The following SVIL variants were observed in gnomAD, a reference collection of about 807,000 sequenced individuals.
The protein encoded by SVIL is supervillin, also known as archvillin.
A neutral mutation model predicts 240.4 loss-of-function variants in SVIL; 101 were observed. The ratio of observed to expected loss-of-function variants is 0.42; its 90% confidence interval spans 0.36 to 0.50. The LOEUF is 0.50. Among genes scored for constraint, SVIL ranks in the 20% least tolerant of loss-of-function variants. The pLI is 0.01. For missense variants in SVIL, 2,512 were observed against 2,818.7 expected (o/e 0.89, Z 2.46); for synonymous variants, 999 against 1,100.0 (o/e 0.91, Z 1.82).
At chr10:29,565,248 C>A (rs3758367) in intron 2 of SVIL, among the ~76,000 whole-genome samples, 3 of 152,044 alleles carry the variant, frequency 2.0e-5, no homozygotes, top group Middle Eastern at 3.4e-3. Context: ...AAGCAAGAAA[C>A]TGTCCCTGAG....
intron 1 of SVIL, among the ~76,000 whole-genome samples, chr10:29,576,832 C>T (rs532448735): frequency 1.3e-5 from 2 of 152,336 alleles, no homozygotes; most frequent in East Asian, 3.9e-4. Flanking sequence ...AGGCATGAGC[C>T]ACCGCTCCCT....
chr10:29,652,016 C>A (rs201992419), intron 3 of SVIL, among the ~76,000 whole-genome samples: 2 of 138,804 alleles, frequency 1.4e-5, no homozygotes. Context: ...GACACACACA[C>A]AAACACACAC....
At chr10:29,627,770 T>A (rs1268534586) in intron 1 of SVIL, among the ~76,000 whole-genome samples, 2 of 152,212 alleles carry the variant, frequency 1.3e-5, no homozygotes, top group Non-Finnish European at 2.9e-5. Flanking sequence ...GTACATCCCA[T>A]GAAGCTGAGT....
At chr10:29,642,986 G>A (rs1481593964) in intron 3 of SVIL, among the ~76,000 whole-genome samples, 1 of 152,098 alleles carries the variant, frequency 6.6e-6, no homozygotes, top group Non-Finnish European at 1.5e-5. Flanking sequence ...GCACCCGGCC[G>A]CTCTCTTCTC....
At chr10:29,463,457 G>T (rs1944509728) in intron 35 of SVIL, 35 bp downstream of exon 35, 3 of 1,604,958 alleles carry the variant, frequency 1.9e-6, no homozygotes, top group Admixed American at 1.7e-5. Context: ...TTCCCCATCT[G>T]TTCCGTGCTG....
intron 1 of SVIL, among the ~76,000 whole-genome samples, chr10:29,631,454 C>A (rs1421429655): frequency 6.6e-6 from 1 of 151,418 alleles, no homozygotes; most frequent in Non-Finnish European, 1.5e-5. Flanking sequence ...CCAGCCTGAC[C>A]AACATGGTGA....
intron 13 of SVIL, among the ~76,000 whole-genome samples, chr10:29,526,316 T>TC (rs1027093603): frequency 6.8e-6 from 1 of 147,036 alleles, no homozygotes; most frequent in Non-Finnish European, 1.5e-5. Flanking sequence ...TTTTTTTTTT[T>TC]TTTTTTTGAG....
At chr10:29,674,265 G>A (rs980559458) in intron 2 of SVIL, among the ~76,000 whole-genome samples, 9 of 152,072 alleles carry the variant, frequency 5.9e-5, no homozygotes, top group African/African-American at 1.9e-4. Flanking sequence ...AACTTGGGAG[G>A]TTGAGGCTGC....
intron 16 of SVIL, among the ~76,000 whole-genome samples, chr10:29,522,177 G>T (rs1393104806): frequency 6.6e-6 from 1 of 151,974 alleles, no homozygotes; most frequent in East Asian, 1.9e-4. Flanking sequence ...TCTCATCTGA[G>T]TCTGGAACCA....
intron 1 of SVIL, among the ~76,000 whole-genome samples, chr10:29,628,687 G>A (rs941282560): frequency 2.6e-5 from 4 of 152,142 alleles, no homozygotes; most frequent in Non-Finnish European, 5.9e-5. Flanking sequence ...AGCTAATTGG[G>A]AGTTAATTTC....
chr10:29,678,370 G>A (rs149760568), intron 2 of SVIL, among the ~76,000 whole-genome samples: 360 of 151,986 alleles, frequency 2.4e-3, no homozygotes, highest in Non-Finnish European at 4.2e-3. Flanking sequence ...CCTCAAATGC[G>A]CAGTTCACAA....
At chr10:29,546,582 T>A (rs1317765867) in intron 6 of SVIL, among the ~76,000 whole-genome samples, 1 of 152,040 alleles carries the variant, frequency 6.6e-6, no homozygotes, top group Non-Finnish European at 1.5e-5. Flanking sequence ...TGCTAATGAG[T>A]ACAGTATAGT....
chr10:29,674,591 G>A (rs561108219), intron 2 of SVIL, among the ~76,000 whole-genome samples: 6 of 152,138 alleles, frequency 3.9e-5, no homozygotes, highest in South Asian at 2.1e-4. Context: ...AGAATGTCTC[G>A]CATTTCCAAA....
intron 1 of SVIL, among the ~76,000 whole-genome samples, chr10:29,733,724 AG>A (rs1232541681): frequency 6.6e-6 from 1 of 152,230 alleles, no homozygotes; most frequent in African/African-American, 2.4e-5. Flanking sequence ...CAGACTTTCC[AG>A]GCTTGCCCTC....
At chr10:29,593,610 G>A (rs780432599) in intron 1 of SVIL, among the ~76,000 whole-genome samples, 3 of 151,992 alleles carry the variant, frequency 2.0e-5, no homozygotes, top group Non-Finnish European at 4.4e-5. Context: ...CTCAAATCTC[G>A]GGCAATTCAC....
At chr10:29,561,938 G>A (rs7920506) in intron 3 of SVIL, among the ~76,000 whole-genome samples, 5,105 of 152,232 alleles carry the variant, frequency 0.034, 264 homozygotes, top group African/African-American at 0.12. Flanking sequence ...TCCTTCACCA[G>A]GCCAAATCCC....
intron 1 of SVIL, among the ~76,000 whole-genome samples, chr10:29,697,062 G>T: frequency 7.6e-6 from 1 of 132,348 alleles, no homozygotes; most frequent in Non-Finnish European, 1.6e-5. Flanking sequence ...CGGGAGGTGA[G>T]GGGCGCCTCT....
At chr10:29,581,428 G>A (rs572083128) in intron 1 of SVIL, among the ~76,000 whole-genome samples, 8 of 152,262 alleles carry the variant, frequency 5.3e-5, no homozygotes, top group South Asian at 4.2e-4. Flanking sequence ...TTGGACAAGC[G>A]TGCAAATAAA....
At position 29,550,999 on chromosome 10, in the gene SVIL, T is replaced by G; in HGVS notation, c.425A>C (p.Glu142Ala). ...TCCCCGCTTCTCGACAGCATCAGGC[T>G]CCTTCCTGGACTTGGTATAGCGGGA... Reference protein sequence around the residue: ...YLSRYTKSRKEPDAVEKRGGK... With the variant: ...YLSRYTKSRKAPDAVEKRGGK... Residue 142 changes from glutamate (E) to alanine (A), a missense_variant, in exon 6 of 38, where the codon GAG becomes GCG. Transcript: ENST00000355867. 6.2e-7 allele frequency: 1 copy of G among 1,614,140 alleles called. No individual in the cohort carries two copies. The highest frequency in any genetic ancestry group is 8.5e-7 in the Non-Finnish European group (1 of 1,180,026).
Sources: gnomAD v4.1 joint callset for allele counts (sites outside exome capture counted in the v4.1 genomes callset) on GRCh38, gnomAD v4.1.1 for gene constraint, MANE v1.5 for transcripts, NCBI Gene and HGNC (gene_info 2026-07-23, HGNC 2026-07-21) for gene names.